Variants in RANBP2 observed in about 807,000 individuals in gnomAD.
RANBP2 encodes E3 SUMO-protein ligase RanBP2.
RANBP2 carries 57 observed loss-of-function variants against 303.6 expected under a neutral mutation model. The ratio of observed to expected loss-of-function variants is 0.19; its 90% CI spans 0.15 to 0.23. The LOEUF is 0.23. Among genes scored for constraint, RANBP2 ranks in the 10% least tolerant of loss-of-function variants. RANBP2 has a pLI of 1.00. For missense variants in RANBP2, 3,138 were observed against 3,780.8 expected, an observed-to-expected ratio of 0.83 and a Z score of 4.46; for synonymous variants, 1,167 against 1,301.5, an observed-to-expected ratio of 0.90 and a Z score of 2.23.
At chr2:108,776,707 G>A (rs957563623) in intron 24 of RANBP2, among the ~76,000 whole-genome samples, 2 of 152,156 alleles carry the variant, frequency 1.3e-5, no homozygotes, top group African/African-American at 4.8e-5. Context: ...ATGACGAAGT[G>A]TAAATGAGAC....
At chr2:109,462,122 T>C in the RANBP2 span, among the ~76,000 whole-genome samples, 6 of 150,580 alleles carry the variant, frequency 4.0e-5, no homozygotes, top group Non-Finnish European at 8.9e-5. Flanking sequence ...AAATCTAGAG[T>C]AGTTGCTGCT....
the RANBP2 span, among the ~76,000 whole-genome samples, chr2:109,699,211 A>G: frequency 4.6e-5 from 7 of 152,276 alleles, no homozygotes; most frequent in African/African-American, 1.4e-4. Context: ...GTCAGTTCTC[A>G]AAGGATCAAG....
At chr2:108,968,688 C>A in the RANBP2 span, among the ~76,000 whole-genome samples, 1 of 152,184 alleles carries the variant, frequency 6.6e-6, no homozygotes, top group African/African-American at 2.4e-5. Context: ...ACAGAATTTG[C>A]CCCCTTTACT....
At chr2:109,257,706 G>T in the RANBP2 span, among the ~76,000 whole-genome samples, 1,136 of 152,280 alleles carry the variant, frequency 7.5e-3, 8 homozygotes, top group South Asian at 0.024. Flanking sequence ...GTTTCCTGAA[G>T]TAGACAGTTA....
chr2:108,904,194 CAG>C, the RANBP2 span, among the ~76,000 whole-genome samples: 4 of 151,950 alleles, frequency 2.6e-5, no homozygotes, highest in South Asian at 2.1e-4. Context: ...AGAGGACACA[CAG>C]ATGAAAAAAA....
chr2:108,735,425 C>T, intron 4 of RANBP2, 107 bp from the exon 5 acceptor site: 1 of 1,590,786 alleles, frequency 6.3e-7, no homozygotes, highest in Non-Finnish European at 8.5e-7. Context: ...TTTTTGGTGG[C>T]ATCATCATAA....
At chr2:109,249,519 T>C in the RANBP2 span, among the ~76,000 whole-genome samples, 2 of 61,938 alleles carry the variant, frequency 3.2e-5, no homozygotes, top group East Asian at 4.5e-4. Flanking sequence ...CATTCTTTCT[T>C]TTTCTTTCTT....
chr2:109,586,237 G>A, the RANBP2 span, among the ~76,000 whole-genome samples: 1 of 152,172 alleles, frequency 6.6e-6, no homozygotes, highest in Non-Finnish European at 1.5e-5. Context: ...ACAGATACAG[G>A]TTCAGCTCCT....
At chr2:108,798,893 G>T in the RANBP2 span, among the ~76,000 whole-genome samples, 2 of 150,112 alleles carry the variant, frequency 1.3e-5, no homozygotes, top group Non-Finnish European at 3.0e-5. Flanking sequence ...TAAAAATCAT[G>T]ATTCTGTCCC....
chr2:108,971,163 G>A, the RANBP2 span, among the ~76,000 whole-genome samples: 1 of 152,130 alleles, frequency 6.6e-6, no homozygotes, highest in African/African-American at 2.4e-5. Flanking sequence ...GATGGTGCTG[G>A]CTACATGTTT....
chr2:109,035,906 A>G, the RANBP2 span, among the ~76,000 whole-genome samples: 1 of 152,236 alleles, frequency 6.6e-6, no homozygotes, highest in Admixed American at 6.5e-5. Flanking sequence ...AGAGAAATGA[A>G]GCATTATTCA....
the RANBP2 span, among the ~76,000 whole-genome samples, chr2:109,140,826 T>C: frequency 1.3e-5 from 2 of 152,238 alleles, no homozygotes; most frequent in Non-Finnish European, 2.9e-5. Context: ...AACTAATCAG[T>C]GCCCCATCTT....
the RANBP2 span, among the ~76,000 whole-genome samples, chr2:109,313,271 G>C: frequency 6.6e-6 from 1 of 152,212 alleles, no homozygotes; most frequent in Non-Finnish European, 1.5e-5. Flanking sequence ...CAAGGCCCAG[G>C]CCTTACCCCA....
At chr2:109,490,583 T>C in the RANBP2 span, 1 of 1,410,696 alleles carries the variant, frequency 7.1e-7, no homozygotes, top group Non-Finnish European at 9.3e-7. Flanking sequence ...CTGTTTGGTT[T>C]CCATCTTGTG....
the RANBP2 span, among the ~76,000 whole-genome samples, chr2:109,451,529 T>C: frequency 2.0e-4 from 30 of 151,450 alleles, no homozygotes; most frequent in East Asian, 5.7e-3. Flanking sequence ...TGGGTTTCTA[T>C]GACATTACGT....
At chr2:109,453,976 C>T in the RANBP2 span, among the ~76,000 whole-genome samples, 1 of 152,206 alleles carries the variant, frequency 6.6e-6, no homozygotes, top group Non-Finnish European at 1.5e-5. Flanking sequence ...GCCAACTGCT[C>T]AGCACTGCAA....
At chr2:108,868,250 T>C in the RANBP2 span, among the ~76,000 whole-genome samples, 2 of 152,234 alleles carry the variant, frequency 1.3e-5, no homozygotes, top group African/African-American at 4.8e-5. Context: ...TCAGATATCA[T>C]ATTAGTATAG....
At chr2:108,962,763 C>T in the RANBP2 span, among the ~76,000 whole-genome samples, 1 of 151,762 alleles carries the variant, frequency 6.6e-6, no homozygotes, top group Non-Finnish European at 1.5e-5. Flanking sequence ...TGGCATGACA[C>T]CATCGCACAC....
the RANBP2 span, among the ~76,000 whole-genome samples, chr2:109,423,643 G>A: frequency 6.6e-5 from 10 of 152,300 alleles, no homozygotes; most frequent in South Asian, 1.0e-3. Flanking sequence ...CTGGATCAGC[G>A]AAATCACCGG....
Sources: gnomAD v4.1 joint callset for allele counts (sites outside exome capture counted in the v4.1 genomes callset) on GRCh38, gnomAD v4.1.1 for gene constraint, MANE v1.5 for transcripts, NCBI Gene and HGNC (gene_info 2026-07-23, HGNC 2026-07-21) for gene names.